SPTBN1: variants seen among roughly 807,000 people sequenced by gnomAD.
SPTBN1 encodes the protein spectrin beta, non-erythrocytic 1.
In SPTBN1, 32 loss-of-function variants were observed where a neutral mutation model predicts 266.4. The ratio of observed to expected loss-of-function variants is 0.12; its 90% confidence interval spans 0.09 to 0.16. The LOEUF (loss-of-function observed/expected upper bound fraction) is 0.16. SPTBN1 is among the 10% of genes least tolerant of loss of function. SPTBN1 has a pLI of 1.00. For missense variants in SPTBN1, 2,296 were observed against 3,067.1 expected (o/e 0.75, Z 5.94); for synonymous variants, 1,336 against 1,162.2 (o/e 1.15, Z -3.04).
At chr2:54,595,781 G>C (rs6735813) in intron 2 of SPTBN1, among the ~76,000 whole-genome samples, 119,632 of 152,104 alleles carry the variant, frequency 0.79, 47,698 homozygotes, top group African/African-American at 0.91. Flanking sequence ...CCAGATAATT[G>C]TTTGTTATGG....
rs193185184 is a variant in SPTBN1 at position 54,498,250 on chromosome 2, G to A, written c.-47-28122G>A. Among the ~76,000 whole-genome samples, 125 of 152,264 alleles carry A rather than the reference G, an allele frequency of 8.2e-4. 2 individuals carry two copies. The East Asian group carries it at 0.013, about 16-fold the overall frequency. On this transcript the variant is annotated intron_variant, in intron 1 of 35. Coordinates refer to ENST00000356805, the MANE Select transcript of SPTBN1 (RefSeq NM_003128.3). ...AGCATGACCAGTGCATTCACAAGAC[G>A]GGAATGTTCGGTAGACTTGCTGCCG...
Position 54,533,701 on chromosome 2 carries a change from C to T in SPTBN1, c.148+7135C>T, listed in dbSNP as rs1357271125. Reference sequence around the variant, plus strand: ...GAGTAGCTGGGACTACAGGCACCCGCCACCACACCTGGCTAATTTTTGTAT... The same window carrying T: ...GAGTAGCTGGGACTACAGGCACCCGTCACCACACCTGGCTAATTTTTGTAT... On this transcript the variant is annotated intron_variant, in intron 2 of 35. Coordinates refer to ENST00000356805, the MANE Select transcript of SPTBN1 (RefSeq NM_003128.3). This position sits in a 1 kb window ranked among gnomAD's most constrained non-coding sequence, Gnocchi z 4.2. Among the ~76,000 whole-genome samples, 1 of 152,142 alleles carries T rather than the reference C, an allele frequency of 6.6e-6. No individual in the cohort carries two copies. The highest frequency in any genetic ancestry group is 1.5e-5 in the Non-Finnish European group (1 of 68,018).
At chr2:54,469,479 A>C (rs772262091) in intron 1 of SPTBN1, among the ~76,000 whole-genome samples, 2 of 152,198 alleles carry the variant, frequency 1.3e-5, no homozygotes, top group Non-Finnish European at 2.9e-5. Flanking sequence ...GATTCTTCTG[A>C]AACTCCTAAC....
Position 54,646,531 on chromosome 2 carries a change from G to A in SPTBN1, c.4866+56G>A. 7.0e-7 allele frequency: 1 copy of A among 1,434,558 alleles called. No homozygotes were observed. Among genetic ancestry groups the A allele is most frequent in the Non-Finnish European group, 9.1e-7 (1 of 1,093,492 alleles). 88.9% of individuals were successfully genotyped at this position (1,434,558 alleles called of 1,614,324 possible). ...AGGAGAGCCTCAGATTCAAACCCTG[G>A]GCACACTTTCTGCTGGCGGCTCTGT... On this transcript the variant is annotated intron_variant, in intron 23 of 35. Coordinates refer to ENST00000356805, the MANE Select transcript of SPTBN1 (RefSeq NM_003128.3). The surrounding 1 kb of genome is among the most constrained non-coding windows in gnomAD (Gnocchi z 4.4).
intron 2 of SPTBN1, among the ~76,000 whole-genome samples, chr2:54,543,340 A>G (rs528562161): frequency 6.6e-6 from 1 of 152,340 alleles, no homozygotes; most frequent in South Asian, 2.1e-4. Flanking sequence ...ACATTTCATT[A>G]TGGAAATAAA....
chr2:54,560,428 G>C (rs1008791784), intron 2 of SPTBN1, among the ~76,000 whole-genome samples: 2 of 152,060 alleles, frequency 1.3e-5, no homozygotes, highest in Non-Finnish European at 2.9e-5. Context: ...GCACCCCTAG[G>C]CCCACCCATA....
intron 3 of SPTBN1, among the ~76,000 whole-genome samples, chr2:54,611,698 A>T (rs888717329): frequency 6.6e-6 from 1 of 151,822 alleles, no homozygotes; most frequent in African/African-American, 2.4e-5. Flanking sequence ...AATTCTTCTG[A>T]TTTGATGGTT....
At chr2:54,486,163 GC>G (rs373088954) in intron 1 of SPTBN1, among the ~76,000 whole-genome samples, 38,032 of 148,596 alleles carry the variant, frequency 0.26, 5,681 homozygotes, top group East Asian at 0.36. Flanking sequence ...CTGCCCGGCC[GC>G]CCCTGCTGGG....
Position 54,621,268 on chromosome 2 carries a change from A to T in SPTBN1, c.764-132A>T, listed in dbSNP as rs1310158281. Reference sequence around the variant, plus strand: ...TCCTTGTAATTAATGCACGGATGGCAGAACACTCAGGTACAAACATGAAGA... The same window carrying T: ...TCCTTGTAATTAATGCACGGATGGCTGAACACTCAGGTACAAACATGAAGA... On this transcript the variant is annotated intron_variant, in intron 7 of 35. Coordinates refer to ENST00000356805, the MANE Select transcript of SPTBN1 (RefSeq NM_003128.3). The T allele has an allele frequency of 5.2e-6, 3 of 576,180 alleles. No homozygotes were observed. The Admixed American group carries it at 8.6e-5, about 17-fold the overall frequency. The allele number at this position is 576,180 out of a possible 1,614,324, so 35.7% of individuals were successfully genotyped here. A position where few individuals can be genotyped will look rare whatever the true frequency, so the allele number is the denominator to read the frequency against.
chr2:54,502,261 G>A (rs1392432560), intron 1 of SPTBN1, among the ~76,000 whole-genome samples: 1 of 152,088 alleles, frequency 6.6e-6, no homozygotes, highest in African/African-American at 2.4e-5. Context: ...CTGATGGGAA[G>A]GTTTGTTAGT....
Position 54,457,972 on chromosome 2 carries a change from G to C in SPTBN1, c.-48+1454G>C, listed in dbSNP as rs573854598. On this transcript the variant is annotated intron_variant, in intron 1 of 35. Transcript: ENST00000356805. ...GACCAGGGGACCTGAGCCATAGGGA[G>C]GGGCTGCAGGAAGGACTGGGCCCAG... Among the ~76,000 whole-genome samples the C allele has an allele frequency of 2.0e-5, 3 of 152,370 alleles. No homozygotes were observed. The East Asian group carries it at 5.8e-4, about 29-fold the overall frequency.
At position 54,629,130 on chromosome 2, in the gene SPTBN1, T is replaced by G; in HGVS notation, c.1996T>G (p.Tyr666Asp). The G allele has an allele frequency of 6.2e-7, 1 of 1,613,636 alleles. No individual in the cohort carries two copies. The highest frequency in any genetic ancestry group is 8.5e-7 in the Non-Finnish European group (1 of 1,179,912). Residue 666 changes from tyrosine (Y) to aspartate (D), a missense_variant, in exon 14 of 36, where the codon TAC becomes GAC. By Grantham distance (160) the Tyr-to-Asp change is radical. Coordinates refer to ENST00000356805, the MANE Select transcript of SPTBN1 (RefSeq NM_003128.3). Reference protein sequence around the residue: ...EKEKILSSDDYGKDLTSVMRL... With the variant: ...EKEKILSSDDDGKDLTSVMRL... Reference sequence around the variant, plus strand: ...GGAGAAGATCCTGTCCTCGGACGATTACGGGAAAGACCTGACCAGCGTCAT... The same window carrying G: ...GGAGAAGATCCTGTCCTCGGACGATGACGGGAAAGACCTGACCAGCGTCAT...
At chr2:54,484,936 G>T (rs1668275485) in intron 1 of SPTBN1, among the ~76,000 whole-genome samples, 1 of 152,176 alleles carries the variant, frequency 6.6e-6, no homozygotes, top group Admixed American at 6.5e-5. Context: ...AGAAGTTCTT[G>T]AGTGTCGTGT....
chr2:54,490,867 T>C (rs1668650131), intron 1 of SPTBN1, among the ~76,000 whole-genome samples: 1 of 152,180 alleles, frequency 6.6e-6, no homozygotes, highest in African/African-American at 2.4e-5. Context: ...CAGTGTGTTT[T>C]GAGGACCTCT....
chr2:54,645,222 C>T lies in SPTBN1; in HGVS notation c.4270-7C>T, dbSNP rs749475723. Reference sequence around the variant, plus strand: ...GCTGAGCGCTGAGGCTGCTTCTCTGCCCTCAGATGCTGGAGAATCAGATGG... The same window carrying T: ...GCTGAGCGCTGAGGCTGCTTCTCTGTCCTCAGATGCTGGAGAATCAGATGG... On this transcript the variant is annotated splice_region_variant and splice_polypyrimidine_tract_variant and intron_variant, in intron 20 of 35. Transcript: ENST00000356805. The surrounding 1 kb of genome is among the most constrained non-coding windows in gnomAD (Gnocchi z 4.3). 4.3e-5 allele frequency: 70 copies of T among 1,613,740 alleles called. No individual in the cohort carries two copies. The highest frequency in any genetic ancestry group is 5.5e-5 in the South Asian group (5 of 91,068).
At chr2:54,567,063 GT>G (rs1162736728) in intron 2 of SPTBN1, among the ~76,000 whole-genome samples, 1 of 152,198 alleles carries the variant, frequency 6.6e-6, no homozygotes, top group Non-Finnish European at 1.5e-5. Context: ...CTGTCGTCTG[GT>G]TAAAAAGTGC....
intron 3 of SPTBN1, among the ~76,000 whole-genome samples, chr2:54,609,112 CTT>C (rs1677050304): frequency 6.6e-6 from 1 of 152,044 alleles, no homozygotes; most frequent in South Asian, 2.1e-4. Flanking sequence ...CTTGGTGTAA[CTT>C]TATGGAAATA....
rs1672729289 is a variant in SPTBN1 at position 54,554,082 on chromosome 2, C to T, written c.148+27516C>T. On this transcript the variant is annotated intron_variant, in intron 2 of 35. Transcript: ENST00000356805. This position sits in a 1 kb window ranked among gnomAD's most constrained non-coding sequence, Gnocchi z 4.5. ...GAACTAGCAGAGCATGTGCCTAATC[C>T]TGACTCAAAACTAAATGTTGTAGAG... Among the ~76,000 whole-genome samples, 1 of 152,192 alleles carries T rather than the reference C, an allele frequency of 6.6e-6. No individual in the cohort carries two copies. Among genetic ancestry groups the T allele is most frequent in the South Asian group, 2.1e-4 (1 of 4,836 alleles).
intron 1 of SPTBN1, among the ~76,000 whole-genome samples, chr2:54,502,428 G>A (rs1206863085): frequency 6.6e-6 from 1 of 152,180 alleles, no homozygotes; most frequent in Non-Finnish European, 1.5e-5. Context: ...TTACATCAGG[G>A]ATGGCTGCTC....
Sources: gnomAD v4.1 joint callset for allele counts (sites outside exome capture counted in the v4.1 genomes callset) on GRCh38, gnomAD v4.1.1 for gene constraint, Gnocchi (gnomAD v3.1) non-coding constraint, MANE v1.5 for transcripts, NCBI Gene and HGNC (gene_info 2026-07-23, HGNC 2026-07-21) for gene names.